Variants in FGD1 observed in about 807,000 individuals in gnomAD.
FGD1 encodes the protein FYVE, RhoGEF and PH domain containing 1, also known as FYVE, RhoGEF and PH domain-containing protein 1.
FGD1 carries 12 observed loss-of-function variants against 65.0 expected under a neutral mutation model. The observed-to-expected ratio is 0.18, with a 90% CI of 0.12 to 0.30. The LOEUF is 0.30. Among genes scored for constraint, FGD1 ranks in the 10% least tolerant of loss-of-function variants. The pLI is 1.00. For missense variants in FGD1, 542 were observed against 837.6 expected, an observed-to-expected ratio of 0.65 and a Z score of 4.36; for synonymous variants, 333 against 343.9, an observed-to-expected ratio of 0.97 and a Z score of 0.35.
At chrX:54,491,823 T>C (rs777403281) in intron 1 of FGD1, among the ~76,000 whole-genome samples, 1 of 110,736 alleles carries the variant, frequency 9.0e-6, no homozygotes, top group South Asian at 3.9e-4. Flanking sequence ...TCTAGAGTCT[T>C]TTCTAGCTCC....
intron 1 of FGD1, among the ~76,000 whole-genome samples, chrX:54,490,285 A>G (rs1397738583): frequency 9.0e-6 from 1 of 111,397 alleles, no homozygotes; most frequent in African/African-American, 3.3e-5. Context: ...TCCCCCTGAC[A>G]TGCAGTTTAC....
chrX:54,490,708 C>T (rs911511152), intron 1 of FGD1, among the ~76,000 whole-genome samples: 5 of 110,905 alleles, frequency 4.5e-5, no homozygotes, highest in Admixed American at 9.6e-5. Context: ...TCCCTCAAAC[C>T]TCCTCCCTCT....
Position 54,470,714 on chromosome X carries a change from T to TGGGGGGGGGGGGGGGTGGGGCCCCCGG in FGD1, c.527_528insCCGGGGGCCCCACCCCCCCCCCCCCCC (p.Pro176_Leu177insArgGlyProHisProProProProPro). On this transcript the variant is annotated inframe_insertion, in exon 3 of 18. Coordinates refer to ENST00000375135, the MANE Select transcript of FGD1 (RefSeq NM_004463.3). ...ATGGTGGAGGGGGGATGGGCTCCAG[T>TGGGGGGGGGGGGGGGTGGGGCCCCCGG]GGGGGGGGCATCCGGGGCATCTGCA... The TGGGGGGGGGGGGGGGTGGGGCCCCCGG allele has an allele frequency of 5.3e-6, 1 of 187,785 alleles. No homozygotes were observed. Among genetic ancestry groups the TGGGGGGGGGGGGGGGTGGGGCCCCCGG allele is most frequent in the Non-Finnish European group, 8.1e-6 (1 of 123,084 alleles). 15.5% of individuals were successfully genotyped at this position (187,785 alleles called of 1,213,427 possible). A position where few individuals can be genotyped will look rare whatever the true frequency, so the allele number is the denominator to read the frequency against.
chrX:54,493,659 A>G (rs1194137298), intron 1 of FGD1, among the ~76,000 whole-genome samples: 1 of 111,817 alleles, frequency 8.9e-6, no homozygotes, highest in African/African-American at 3.2e-5. Context: ...GGCAGCTGCA[A>G]AAAGGCACTG....
chrX:54,464,875 T>C (rs2147432371), intron 8 of FGD1, among the ~76,000 whole-genome samples: 1 of 109,829 alleles, frequency 9.1e-6, no homozygotes, highest in African/African-American at 3.3e-5. Context: ...AGGAAAGCTC[T>C]AAATCTGGAG....
rs1922870629 is a variant in FGD1, at chrX:54,470,713, G to C, written c.529C>G (p.Leu177Val). ...GATGGTGGAGGGGGGATGGGCTCCA[G>C]TGGGGGGGGCATCCGGGGCATCTGC... ...YLQMPRMPPP[L>V]EPIPPPPSRP... is the part of the protein sequence containing the mutation. Residue 177 changes from leucine (L) to valine (V), a missense_variant, in exon 3 of 18, where the codon CTG (leucine) becomes GTG (valine). Coordinates refer to ENST00000375135, the MANE Select transcript of FGD1 (RefSeq NM_004463.3). 1 of 999,408 alleles carries C rather than the reference G, an allele frequency of 1.0e-6. No homozygotes were observed. The highest frequency in any genetic ancestry group is 1.4e-6 in the Non-Finnish European group (1 of 728,233). The allele number at this position is 999,408 out of a possible 1,213,427, so 82.4% of individuals were successfully genotyped here.
intron 1 of FGD1, among the ~76,000 whole-genome samples, chrX:54,489,270 G>C (rs147208079): frequency 1.8e-4 from 20 of 112,691 alleles, no homozygotes; most frequent in African/African-American, 6.1e-4. Flanking sequence ...ACATGTGGCC[G>C]ATAAGCATAT....
chrX:54,462,814 G>C (rs1352054432), intron 8 of FGD1, among the ~76,000 whole-genome samples: 1 of 101,246 alleles, frequency 9.9e-6, no homozygotes, highest in Non-Finnish European at 2.0e-5. Flanking sequence ...ACCCAGGCTG[G>C]AGTGCAGTGG....
rs1388280500 is a variant in FGD1 at position 54,455,778 on chromosome X, C to T, written c.1849G>A (p.Asp617Asn). Residue 617 changes from aspartate (D) to asparagine (N), a missense_variant, in exon 11 of 18, where the codon GAC becomes AAC. Physicochemically the swap from Asp to Asn is conservative, Grantham distance 23 (BLOSUM62 1). Around this residue, in one of 6 missense-constraint regions of FGD1, gnomAD observed 182 missense variants for 311.4 expected, o/e 0.58. Coordinates refer to ENST00000375135, the MANE Select transcript of FGD1 (RefSeq NM_004463.3). ...TQDRYLILFN[D>N]RLLYCVPRLR... ...CTGGGCACGCAGTAAAGGAGGCGGTCGTTGAACTAGGAAGGAAAAAGTTTG... is the reference window on the plus strand; with the variant it reads ...CTGGGCACGCAGTAAAGGAGGCGGTTGTTGAACTAGGAAGGAAAAAGTTTG... 3.4e-6 allele frequency: 4 copies of T among 1,179,181 alleles called. No homozygotes were observed. Among genetic ancestry groups the T allele is most frequent in the African/African-American group, 1.7e-5 (1 of 57,216 alleles).
At chrX:54,473,986 A>ATATAT (rs199998075) in intron 1 of FGD1, among the ~76,000 whole-genome samples, 21 of 107,783 alleles carry the variant, frequency 1.9e-4, no homozygotes, top group Middle Eastern at 4.9e-3. Flanking sequence ...TCTCAAAAAA[A>ATATAT]AAATATATAT....
intron 1 of FGD1, among the ~76,000 whole-genome samples, chrX:54,493,245 G>C (rs1341186291): frequency 1.8e-5 from 2 of 111,678 alleles, no homozygotes; most frequent in Non-Finnish European, 3.8e-5. Flanking sequence ...TTTAGTATCT[G>C]TTTAGGCATT....
chrX:54,448,042 T>C (rs1273121701), intron 16 of FGD1, among the ~76,000 whole-genome samples: 1 of 112,016 alleles, frequency 8.9e-6, no homozygotes, highest in African/African-American at 3.2e-5. Context: ...ATCTCCAAAA[T>C]GTGTGTTTGT....
At chrX:54,492,723 TGC>T (rs1386151707) in intron 1 of FGD1, among the ~76,000 whole-genome samples, 1 of 111,470 alleles carries the variant, frequency 9.0e-6, no homozygotes, top group African/African-American at 3.3e-5. Flanking sequence ...AACTCCTGGT[TGC>T]TGAGGATTTA....
At chrX:54,450,046 A>G (rs1330701758) in intron 13 of FGD1, among the ~76,000 whole-genome samples, 1 of 111,336 alleles carries the variant, frequency 9.0e-6, no homozygotes, top group East Asian at 2.8e-4. Flanking sequence ...CCCTCACCTT[A>G]TACACCCTCA....
chrX:54,454,510 C>T (rs907397867), intron 12 of FGD1, among the ~76,000 whole-genome samples: 2 of 109,577 alleles, frequency 1.8e-5, no homozygotes, highest in African/African-American at 6.6e-5. Flanking sequence ...ATTAGATGGG[C>T]GTGGTGGCAT....
chrX:54,482,949 TG>T (rs1473474113), intron 1 of FGD1, among the ~76,000 whole-genome samples: 1 of 111,964 alleles, frequency 8.9e-6, no homozygotes, highest in Non-Finnish European at 1.9e-5. Context: ...GGGCTGGGGA[TG>T]GATCTGTGGC....
In FGD1 at chrX:54,448,917, G is replaced by A. The variant is rs773377324; in HGVS notation, c.2325C>T (p.Asn775=). 1.7e-6 allele frequency: 2 copies of A among 1,211,707 alleles called. No homozygotes were observed. The highest frequency in any genetic ancestry group is 2.2e-6 in the Non-Finnish European group (2 of 895,397). The change falls in exon 16 of 18, where the codon AAC becomes AAT. Residue 775 remains asparagine (N), a synonymous_variant. Transcript: ENST00000375135. ...CAGTGCACACACGGTTGGAGCGGTT[G>A]TTGTCATAGACGAGGCGGGCCCGGA... The part of the protein sequence containing the change: ...SEFRARLVYD[N]NRSNRVCTDC...
chrX:54,465,391 G>A, intron 8 of FGD1, 60 bp downstream of exon 8: 1 of 1,144,366 alleles, frequency 8.7e-7, no homozygotes, highest in Non-Finnish European at 1.2e-6. Context: ...CTGCCTCAGA[G>A]GTCTGGCCTA....
At position 54,495,233 on chromosome X, in the gene FGD1, C is replaced by T. The variant is rs375022151; in HGVS notation, c.200G>A (p.Ser67Asn). 8.7e-5 allele frequency: 104 copies of T among 1,190,777 alleles called. No individual in the cohort carries two copies. Among genetic ancestry groups the T allele is most frequent in the Admixed American group, 2.3e-4 (10 of 43,364 alleles). Reference protein sequence around the residue: ...DPQFVGPSDTSLGAAPGHRVL... With the variant: ...DPQFVGPSDTNLGAAPGHRVL... ...CCGGTGGCCTGGAGCAGCGCCCAGGCTGGTGTCCGAGGGTCCGACAAACTG... is the reference window on the plus strand; with the variant it reads ...CCGGTGGCCTGGAGCAGCGCCCAGGTTGGTGTCCGAGGGTCCGACAAACTG... Residue 67 changes from serine to asparagine, a missense_variant, in exon 1 of 18, where the codon AGC (serine) becomes AAC (asparagine). By Grantham distance (46) the Ser-to-Asn change is conservative (BLOSUM62 1). Transcript: ENST00000375135.
Sources: gnomAD v4.1 joint callset for allele counts (sites outside exome capture counted in the v4.1 genomes callset) on GRCh38, gnomAD v4.1.1 for gene constraint, gnomAD v4.1.1 regional missense constraint, MANE v1.5 for transcripts, NCBI Gene and HGNC (gene_info 2026-07-23, HGNC 2026-07-21) for gene names.